The following CHSY3 variants were observed in gnomAD, a reference collection of about 807,000 sequenced individuals.
The protein encoded by CHSY3 is N-acetylgalactosaminyl-proteoglycan 3-beta-glucuronosyltransferase 3.
Under a neutral mutation model 67.2 loss-of-function variants are expected in CHSY3, and 35 were observed. The ratio of observed to expected loss-of-function variants is 0.52; its 90% CI spans 0.40 to 0.69. The LOEUF (loss-of-function observed/expected upper bound fraction) is 0.69, where lower values mean the gene tolerates loss of function less well. Ranked by LOEUF, CHSY3 falls within the 30% of genes least tolerant of loss-of-function variation. The pLI, the probability that CHSY3 is intolerant of heterozygous loss-of-function variation, is 0.00. For missense variants in CHSY3, 1,069 were observed against 1,138.5 expected (o/e 0.94, Z 0.88); for synonymous variants, 474 against 434.7 (o/e 1.09, Z -1.12).
intron 2 of CHSY3, among the ~76,000 whole-genome samples, chr5:129,978,780 GA>G (rs1386317916): frequency 1.3e-5 from 2 of 151,742 alleles, no homozygotes; most frequent in Admixed American, 1.3e-4. Flanking sequence ...TAATCTACCC[GA>G]AAAAGGAAAT....
At chr5:129,925,557 C>T (rs1761076100) in intron 2 of CHSY3, among the ~76,000 whole-genome samples, 1 of 152,052 alleles carries the variant, frequency 6.6e-6, no homozygotes, top group South Asian at 2.1e-4. Context: ...CTTGCATACT[C>T]ATCATATTTT....
At chr5:129,948,392 T>C (rs893219883) in intron 2 of CHSY3, among the ~76,000 whole-genome samples, 2 of 152,288 alleles carry the variant, frequency 1.3e-5, no homozygotes, top group South Asian at 4.1e-4. Flanking sequence ...TGCCTTTGCA[T>C]CCTCATAGCT....
intron 2 of CHSY3, among the ~76,000 whole-genome samples, chr5:130,158,890 C>T (rs114432556): frequency 0.012 from 1,875 of 152,214 alleles, 34 homozygotes; most frequent in African/African-American, 0.042. Context: ...GCCTCGACCT[C>T]CTAGGGCTCA....
chr5:130,090,357 AG>A (rs1766835496), intron 2 of CHSY3, among the ~76,000 whole-genome samples: 1 of 152,152 alleles, frequency 6.6e-6, no homozygotes, highest in African/African-American at 2.4e-5. Context: ...AGCATGCTGA[AG>A]ACCCCTCTAG....
intron 2 of CHSY3, among the ~76,000 whole-genome samples, chr5:130,009,610 C>G (rs753696720): frequency 9.9e-5 from 15 of 151,974 alleles, no homozygotes; most frequent in Non-Finnish European, 1.6e-4. Flanking sequence ...AACCAGCTAA[C>G]ATGATGACAG....
intron 2 of CHSY3, among the ~76,000 whole-genome samples, chr5:130,128,104 A>G (rs1768352552): frequency 1.3e-5 from 2 of 152,124 alleles, no homozygotes; most frequent in Non-Finnish European, 2.9e-5. Flanking sequence ...ATGAACACAT[A>G]CTGAGTAATG....
intron 2 of CHSY3, among the ~76,000 whole-genome samples, chr5:129,916,438 G>A (rs554637733): frequency 2.6e-4 from 39 of 152,230 alleles, no homozygotes; most frequent in African/African-American, 8.7e-4. Flanking sequence ...TAGCTACTGA[G>A]ATGATTATTT....
chr5:130,156,778 T>C (rs781097629), intron 2 of CHSY3, among the ~76,000 whole-genome samples: 20 of 152,232 alleles, frequency 1.3e-4, no homozygotes, highest in Admixed American at 5.2e-4. Context: ...AGACAGCTAC[T>C]GGCTGAAACC....
At chr5:130,065,014 T>G (rs938946570) in intron 2 of CHSY3, among the ~76,000 whole-genome samples, 1 of 152,188 alleles carries the variant, frequency 6.6e-6, no homozygotes, top group African/African-American at 2.4e-5. Context: ...TTACCCTGTG[T>G]CATTGATTTC....
chr5:130,006,691 G>A (rs953007328), intron 2 of CHSY3, among the ~76,000 whole-genome samples: 6 of 152,090 alleles, frequency 3.9e-5, no homozygotes, highest in African/African-American at 1.4e-4. Flanking sequence ...TTTAAGAAAG[G>A]TATCAAAGTA....
At chr5:129,959,268 GATC>G (rs1029002371) in intron 2 of CHSY3, among the ~76,000 whole-genome samples, 29 of 152,180 alleles carry the variant, frequency 1.9e-4, no homozygotes, top group African/African-American at 6.5e-4. Flanking sequence ...CTAGAGAGAT[GATC>G]TCATCATCAT....
At chr5:130,113,411 C>A (rs1767649705) in intron 2 of CHSY3, among the ~76,000 whole-genome samples, 1 of 152,112 alleles carries the variant, frequency 6.6e-6, no homozygotes, top group South Asian at 2.1e-4. Flanking sequence ...TTTGTAATCT[C>A]TCCATTTATA....
chr5:130,103,087 G>T (rs1767300169), intron 2 of CHSY3, among the ~76,000 whole-genome samples: 1 of 152,146 alleles, frequency 6.6e-6, no homozygotes, highest in African/African-American at 2.4e-5. Flanking sequence ...TTCCTGGGAT[G>T]CAAATATGGA....
chr5:130,018,652 T>C (rs73785854), intron 2 of CHSY3, among the ~76,000 whole-genome samples: 3,886 of 152,266 alleles, frequency 0.026, 172 homozygotes, highest in African/African-American at 0.088. Context: ...GCCTTGTCGA[T>C]GTATTGTGGC....
intron 2 of CHSY3, among the ~76,000 whole-genome samples, chr5:129,986,824 G>A (rs548276337): frequency 4.6e-5 from 7 of 151,934 alleles, no homozygotes; most frequent in Admixed American, 3.3e-4. Context: ...TGTATTTTTT[G>A]TAGAGACAGG....
At chr5:130,105,355 G>A (rs888746990) in intron 2 of CHSY3, among the ~76,000 whole-genome samples, 1 of 151,688 alleles carries the variant, frequency 6.6e-6, no homozygotes, top group Non-Finnish European at 1.5e-5. Context: ...TCCTAGGTAA[G>A]TAAAGATCGC....
chr5:130,086,305 G>C (rs1346732107), intron 2 of CHSY3, among the ~76,000 whole-genome samples: 4 of 151,968 alleles, frequency 2.6e-5, no homozygotes, highest in Non-Finnish European at 5.9e-5. Flanking sequence ...TGTATTGGGT[G>C]CATATATATT....
chr5:130,114,255 A>C (rs1767702673), intron 2 of CHSY3, among the ~76,000 whole-genome samples: 1 of 152,190 alleles, frequency 6.6e-6, no homozygotes, highest in Non-Finnish European at 1.5e-5. Flanking sequence ...TTATGAAAAA[A>C]GTTCATGTGA....
chr5:130,162,564 T>TG (rs1769589268), intron 2 of CHSY3, among the ~76,000 whole-genome samples: 1 of 152,060 alleles, frequency 6.6e-6, no homozygotes, highest in African/African-American at 2.4e-5. Flanking sequence ...AAACGGGGTC[T>TG]TGTTCTGTCA....
Sources: gnomAD v4.1 joint callset for allele counts (sites outside exome capture counted in the v4.1 genomes callset) on GRCh38, gnomAD v4.1.1 for gene constraint, MANE v1.5 for transcripts, NCBI Gene and HGNC (gene_info 2026-07-23, HGNC 2026-07-21) for gene names.